MAP2K1: variants seen among roughly 807,000 people sequenced by gnomAD.
MAP2K1 encodes the protein mitogen-activated protein kinase kinase 1, also known as dual specificity mitogen-activated protein kinase kinase 1.
Under a neutral mutation model 46.3 loss-of-function variants are expected in MAP2K1, and 16 were observed. The ratio of observed to expected loss-of-function variants is 0.35; its 90% CI spans 0.23 to 0.52. The LOEUF (loss-of-function observed/expected upper bound fraction) is 0.52, where lower values mean the gene tolerates loss of function less well. Ranked by LOEUF, MAP2K1 falls within the 20% of genes least tolerant of loss-of-function variation. MAP2K1 has a pLI of 0.94. For missense variants in MAP2K1, 263 were observed against 497.1 expected (o/e 0.53, Z 4.48); for synonymous variants, 183 against 185.6 (o/e 0.99, Z 0.11).
At chr15:66,395,601 G>T (rs1416590924) in intron 1 of MAP2K1, among the ~76,000 whole-genome samples, 1 of 132,632 alleles carries the variant, frequency 7.5e-6, no homozygotes, top group Non-Finnish European at 1.5e-5. Context: ...TTGAGACGGA[G>T]TCTCACTCTG....
chr15:66,434,367 A>G lies in MAP2K1; in HGVS notation c.81-660A>G, dbSNP rs1056291087. 2.6e-5 allele frequency among the ~76,000 whole-genome samples: 4 copies of G among 152,372 alleles called. No homozygotes were observed. In the South Asian group the frequency reaches 6.2e-4, roughly 24 times the overall value. On this transcript the variant is annotated intron_variant, in intron 1 of 10. Transcript: ENST00000307102. ...GTATTATGTTCTGGTCCATGTGCGA[A>G]GGATGATGTGGACCTCTTAACCAGT...
chr15:66,387,373 T>A lies in MAP2K1; in HGVS notation c.26T>A (p.Ile9Asn). The change falls in exon 1 of 11, where the codon ATC becomes AAC. Residue 9 changes from isoleucine to asparagine, a missense_variant. Physicochemically the swap from Ile to Asn is moderately radical, Grantham distance 149. Transcript: ENST00000307102. MPKKKPTP[I>N]QLNPAPDGSA... ...ATGCCCAAGAAGAAGCCGACGCCCA[T>A]CCAGCTGAACCCGGCCCCCGACGGC... The A allele has an allele frequency of 6.4e-7, 1 of 1,566,472 alleles. No individual in the cohort carries two copies. The highest frequency in any genetic ancestry group is 8.7e-7 in the Non-Finnish European group (1 of 1,154,938).
chr15:66,432,958 C>CGGTGTG (rs1430276423), intron 1 of MAP2K1, among the ~76,000 whole-genome samples: 6 of 37,484 alleles, frequency 1.6e-4, no homozygotes, highest in Admixed American at 6.4e-4. Flanking sequence ...CCATCATGCA[C>CGGTGTG]AGTGTGTGTG....
At chr15:66,446,716 TC>T in intron 5 of MAP2K1, 1 of 360,854 alleles carries the variant, frequency 2.8e-6, no homozygotes, top group Non-Finnish European at 5.9e-6. Context: ...AACTGCCTGC[TC>T]CCATTGGTTC....
intron 6 of MAP2K1, among the ~76,000 whole-genome samples, chr15:66,484,647 G>A (rs1177166747): frequency 6.6e-6 from 1 of 152,092 alleles, no homozygotes; most frequent in Non-Finnish European, 1.5e-5. Flanking sequence ...CTCATGCTGG[G>A]CTTCGGACAG....
At chr15:66,444,817 A>T (rs536685476) in intron 5 of MAP2K1, 110 bp downstream of exon 5, 60 of 900,724 alleles carry the variant, frequency 6.7e-5, no homozygotes, top group Non-Finnish European at 1.0e-4. Flanking sequence ...TTTTAATAAC[A>T]TGTTAAATCT....
intron 1 of MAP2K1, among the ~76,000 whole-genome samples, chr15:66,423,684 G>A (rs1306363193): frequency 1.4e-5 from 2 of 139,604 alleles, no homozygotes; most frequent in African/African-American, 2.7e-5. Context: ...CTCGGCTCAC[G>A]GCAACCTCTG....
At chr15:66,484,507 C>T (rs941802356) in intron 6 of MAP2K1, among the ~76,000 whole-genome samples, 4 of 152,100 alleles carry the variant, frequency 2.6e-5, no homozygotes, top group African/African-American at 9.7e-5. Context: ...GCTTGTAAGT[C>T]CCGGAATTGG....
At chr15:66,465,459 TAC>T (rs1892439357) in intron 5 of MAP2K1, among the ~76,000 whole-genome samples, 1 of 152,210 alleles carries the variant, frequency 6.6e-6, no homozygotes, top group African/African-American at 2.4e-5. Context: ...TGCTTTTCTA[TAC>T]AGTGTCTGTA....
chr15:66,407,976 G>A (rs2093401966), intron 1 of MAP2K1, among the ~76,000 whole-genome samples: 1 of 152,240 alleles, frequency 6.6e-6, no homozygotes, highest in African/African-American at 2.4e-5. Flanking sequence ...CAGTGGAAAG[G>A]CTTTGTAGCC....
intron 1 of MAP2K1, among the ~76,000 whole-genome samples, chr15:66,419,784 CTGTT>C (rs56095278): frequency 0.056 from 8,569 of 152,088 alleles, 344 homozygotes; most frequent in Middle Eastern, 0.11. Flanking sequence ...TTTCAGAAGA[CTGTT>C]TGATTCCCAG....
intron 5 of MAP2K1, among the ~76,000 whole-genome samples, chr15:66,447,466 G>A (rs1231067877): frequency 2.0e-5 from 3 of 151,374 alleles, no homozygotes; most frequent in African/African-American, 7.3e-5. Context: ...CGAGGCGGGC[G>A]GATCACTTGA....
chr15:66,400,059 AC>A (rs2093377712), intron 1 of MAP2K1, among the ~76,000 whole-genome samples: 1 of 152,154 alleles, frequency 6.6e-6, no homozygotes, highest in African/African-American at 2.4e-5. Context: ...TAGGAAACAT[AC>A]TTTTTTTGTG....
intron 1 of MAP2K1, among the ~76,000 whole-genome samples, chr15:66,391,066 T>C (rs1320486480): frequency 6.6e-6 from 1 of 151,972 alleles, no homozygotes; most frequent in Non-Finnish European, 1.5e-5. Flanking sequence ...GCTTTTTTTT[T>C]TTTTTTTGGT....
At chr15:66,416,596 CTCA>C (rs1219987817) in intron 1 of MAP2K1, among the ~76,000 whole-genome samples, 1 of 152,218 alleles carries the variant, frequency 6.6e-6, no homozygotes, top group Non-Finnish European at 1.5e-5. Flanking sequence ...GGTTTAGATT[CTCA>C]TCATCAGTTC....
At chr15:66,489,852 T>A (rs1404267359) in intron 10 of MAP2K1, 89 bp downstream of exon 10, 1 of 1,108,052 alleles carries the variant, frequency 9.0e-7, no homozygotes. Context: ...CCAGAGCCCA[T>A]TCATTCCCTG....
At chr15:66,490,225 T>C (rs1006880761) in intron 10 of MAP2K1, 5 of 584,536 alleles carry the variant, frequency 8.6e-6, no homozygotes, top group Non-Finnish European at 9.2e-6. Context: ...TTGTCCCTTC[T>C]AACAAGCCTG....
At chr15:66,471,840 A>G (rs1457816588) in intron 5 of MAP2K1, among the ~76,000 whole-genome samples, 1 of 152,128 alleles carries the variant, frequency 6.6e-6, no homozygotes, top group East Asian at 1.9e-4. Flanking sequence ...GCACTTTGGG[A>G]GGCCAAGGCG....
At chr15:66,483,872 C>T (rs1347922256) in intron 6 of MAP2K1, among the ~76,000 whole-genome samples, 8 of 151,484 alleles carry the variant, frequency 5.3e-5, no homozygotes, top group South Asian at 2.1e-4. Flanking sequence ...CTCATCCTCC[C>T]GAGTAGCTGG....
Sources: gnomAD v4.1 joint callset for allele counts (sites outside exome capture counted in the v4.1 genomes callset) on GRCh38, gnomAD v4.1.1 for gene constraint, MANE v1.5 for transcripts, NCBI Gene and HGNC (gene_info 2026-07-23, HGNC 2026-07-21) for gene names.